Variants in ATP2C1 observed in about 807,000 individuals in gnomAD.
The protein encoded by ATP2C1 is ATPase secretory pathway Ca2+ transporting 1, also known as calcium-transporting ATPase type 2C member 1.
Under a neutral mutation model 120.5 loss-of-function variants are expected in ATP2C1, and 31 were observed. The observed-to-expected ratio is 0.26, with a 90% CI of 0.19 to 0.35. ATP2C1 has a LOEUF of 0.35. Among genes scored for constraint, ATP2C1 ranks in the 10% least tolerant of loss-of-function variants. The pLI, the probability that ATP2C1 is intolerant of heterozygous loss-of-function variation, is 1.00. For synonymous variants in ATP2C1, 351 were observed against 358.7 expected, an observed-to-expected ratio of 0.98 and a Z score of 0.24; for missense variants, 731 against 1,107.5, an observed-to-expected ratio of 0.66 and a Z score of 4.83.
chr3:130,926,408 A>G (rs550252506), intron 2 of ATP2C1, among the ~76,000 whole-genome samples: 1 of 152,374 alleles, frequency 6.6e-6, no homozygotes, highest in Admixed American at 6.5e-5. Flanking sequence ...AAAGGTTTTC[A>G]AAAAGTACTT....
intron 8 of ATP2C1, among the ~76,000 whole-genome samples, chr3:130,953,103 ATG>A (rs1325627727): frequency 6.6e-6 from 1 of 151,520 alleles, no homozygotes; most frequent in Non-Finnish European, 1.5e-5. Flanking sequence ...GTATGTATGT[ATG>A]TATGTATGTA....
At chr3:130,978,897 C>T (rs1333151540) in intron 18 of ATP2C1, among the ~76,000 whole-genome samples, 2 of 152,164 alleles carry the variant, frequency 1.3e-5, no homozygotes, top group African/African-American at 4.8e-5. Context: ...CTAACAAACC[C>T]ATAGTTTCTC....
intron 8 of ATP2C1, among the ~76,000 whole-genome samples, chr3:130,951,268 GA>G (rs2060358371): frequency 6.6e-6 from 1 of 152,158 alleles, no homozygotes; most frequent in African/African-American, 2.4e-5. Context: ...AAATAATTAA[GA>G]GGAATCTGGA....
chr3:131,011,845 G>A (rs1188576383), intron 26 of ATP2C1, among the ~76,000 whole-genome samples: 1 of 152,198 alleles, frequency 6.6e-6, no homozygotes, highest in Non-Finnish European at 1.5e-5. Flanking sequence ...GTCTTCTGCA[G>A]GGGGTTCAGG....
chr3:131,002,399 G>T lies in ATP2C1; in HGVS notation c.*1049G>T. ...CCAGAGTATATGTGGAAGATTCTTT[G>T]CTGGTCTTGCTCTGTGTGCATCTGA... On this transcript the variant is annotated 3_prime_UTR_variant, in exon 28 of 28. Coordinates refer to ENST00000510168, the MANE Select transcript of ATP2C1 (RefSeq NM_001378687.1). The T allele has an allele frequency of 1.0e-6, 1 of 985,378 alleles. No individual in the cohort carries two copies. Among genetic ancestry groups the T allele is most frequent in the Non-Finnish European group, 1.2e-6 (1 of 829,914 alleles). The allele number at this position is 985,378 out of a possible 1,614,324, so 61.0% of individuals were successfully genotyped here.
At position 130,850,894 on chromosome 3, in the gene ATP2C1, T is replaced by C. The variant is rs992855030; in HGVS notation, c.74T>C (p.Leu25Ser). 1.3e-5 allele frequency: 18 copies of C among 1,427,674 alleles called. No individual in the cohort carries two copies. In the African/African-American group the frequency reaches 2.3e-4, roughly 19 times the overall value. The allele number at this position is 1,427,674 out of a possible 1,614,324, so 88.4% of individuals were successfully genotyped here. A position where few individuals can be genotyped will look rare whatever the true frequency, so the allele number is the denominator to read the frequency against. ...CCTCTCCATGCAATTAGGAGATATT[T>C]ATCGACGCTGAGAAACCAAAGAGCC... Residue 25 changes from leucine (L) to serine (S), a missense_variant, in exon 1 of 27, where the codon TTA (leucine) becomes TCA (serine). Coordinates refer to the ATP2C1 transcript ENST00000504381.
At chr3:130,969,975 A>C (rs2061223661) in intron 17 of ATP2C1, among the ~76,000 whole-genome samples, 2 of 152,178 alleles carry the variant, frequency 1.3e-5, no homozygotes. Context: ...TAATTATATC[A>C]CTCATAGTTG....
intron 18 of ATP2C1, among the ~76,000 whole-genome samples, chr3:130,978,952 A>C (rs1021187095): frequency 5.3e-5 from 8 of 152,192 alleles, no homozygotes; most frequent in Admixed American, 5.2e-4. Context: ...TTCCTGTTGA[A>C]AGTAGCTGCA....
At chr3:130,999,479 A>G in intron 26 of ATP2C1, 39 bp from the exon 27 acceptor site, 2 of 1,610,252 alleles carry the variant, frequency 1.2e-6, no homozygotes, top group Non-Finnish European at 1.7e-6. Flanking sequence ...TATTTCTGTG[A>G]CCAAGGAGTA....
At chr3:130,953,137 G>A (rs564192178) in intron 8 of ATP2C1, among the ~76,000 whole-genome samples, 2 of 151,784 alleles carry the variant, frequency 1.3e-5, no homozygotes, top group African/African-American at 2.4e-5. Flanking sequence ...ATGTGTGTAT[G>A]TATCTATACT....
chr3:130,929,249 A>C (rs981963956), intron 2 of ATP2C1, among the ~76,000 whole-genome samples: 3 of 152,214 alleles, frequency 2.0e-5, no homozygotes, highest in African/African-American at 7.2e-5. Context: ...TTTTACATAA[A>C]TAAGATTAGA....
chr3:130,940,815 C>G (rs2059857924), intron 7 of ATP2C1, 124 bp downstream of exon 7: 1 of 681,418 alleles, frequency 1.5e-6, no homozygotes, highest in Non-Finnish European at 2.5e-6. Flanking sequence ...TAATCTGACA[C>G]AAAAAGTTCC....
chr3:130,969,878 C>T (rs377270830), intron 17 of ATP2C1, among the ~76,000 whole-genome samples: 2 of 152,104 alleles, frequency 1.3e-5, no homozygotes, highest in Non-Finnish European at 2.9e-5. Context: ...AATGACATAC[C>T]GATATTTTAA....
chr3:131,004,721 G>T (rs1024271684), downstream of ATP2C1, among the ~76,000 whole-genome samples: 4 of 152,198 alleles, frequency 2.6e-5, no homozygotes, highest in Non-Finnish European at 4.4e-5. Context: ...TTTAAGTTGG[G>T]AAACTCCAGC....
intron 12 of ATP2C1, among the ~76,000 whole-genome samples, chr3:130,960,549 T>A (rs1478800315): frequency 2.0e-5 from 3 of 152,312 alleles, no homozygotes; most frequent in Admixed American, 2.0e-4. Context: ...AGTCAGGGGA[T>A]CCCTTAATCA....
intron 1 of ATP2C1, among the ~76,000 whole-genome samples, chr3:130,870,911 C>T (rs1221999072): frequency 6.6e-6 from 1 of 152,132 alleles, no homozygotes; most frequent in African/African-American, 2.4e-5. Context: ...AATTGATGCA[C>T]CAAACTTTAT....
chr3:130,964,891 GT>G, intron 13 of ATP2C1, 56 bp from the exon 14 acceptor site: 1 of 1,288,974 alleles, frequency 7.8e-7, no homozygotes, highest in South Asian at 1.2e-5. Context: ...TGTTTTTTAA[GT>G]GAACCTATAT....
At chr3:130,900,064 A>G (rs2070021067) in intron 2 of ATP2C1, among the ~76,000 whole-genome samples, 1 of 150,606 alleles carries the variant, frequency 6.6e-6, no homozygotes. Flanking sequence ...TTATTTATTT[A>G]TTTATTTTTT....
At position 130,934,684 on chromosome 3, in the gene ATP2C1, GT is replaced by G; in HGVS notation, c.300del (p.Phe100LeufsTer32). ...CAGTCATCAGTGTTTTAATGCATCA[GT>G]TTGATGATGCCGTCAGTATCACTGT... ...SAVISVLMHQFDDAVSITVAI... is the reference protein window; with the variant it reads ...SAVISVLMHQXDDAVSITVAI... On this transcript the variant is annotated frameshift_variant, in exon 5 of 28. Coordinates refer to ENST00000510168, the MANE Select transcript of ATP2C1 (RefSeq NM_001378687.1). LOFTEE classifies it high-confidence loss of function. 1 of 1,610,942 alleles carries G rather than the reference GT, an allele frequency of 6.2e-7. No individual in the cohort carries two copies. The highest frequency in any genetic ancestry group is 8.5e-7 in the Non-Finnish European group (1 of 1,177,340).
Sources: allele counts gnomAD v4.1 joint callset (sites outside exome capture counted in the v4.1 genomes callset), GRCh38; gene constraint gnomAD v4.1.1; transcripts MANE v1.5; gene names NCBI Gene and HGNC (gene_info 2026-07-23, HGNC 2026-07-21).